Variants in CAPN2 observed in about 807,000 individuals in gnomAD.
The protein encoded by CAPN2 is calpain 2.
A neutral mutation model predicts 102.3 loss-of-function variants in CAPN2; 92 were observed. The ratio of observed to expected loss-of-function variants is 0.90; its 90% CI spans 0.76 to 1.07. The LOEUF (loss-of-function observed/expected upper bound fraction) is 1.07, where lower values mean the gene tolerates loss of function less well. Among genes scored for constraint, CAPN2 ranks in the 50% least tolerant of loss-of-function variants. CAPN2 has a pLI of 0.00. For synonymous variants in CAPN2, 340 were observed against 355.4 expected, an observed-to-expected ratio of 0.96 and a Z score of 0.49; for missense variants, 800 against 909.4, an observed-to-expected ratio of 0.88 and a Z score of 1.55.
upstream of CAPN2, among the ~76,000 whole-genome samples, chr1:223,710,483 T>C (rs1659705020): frequency 6.6e-6 from 1 of 151,976 alleles, no homozygotes; most frequent in Non-Finnish European, 1.5e-5. Context: ...ACCATCTAAA[T>C]GGATGGTTCC....
intron 20 of CAPN2, 116 bp from the exon 21 acceptor site, chr1:223,774,718 G>GC (rs1661569217): frequency 5.9e-6 from 5 of 851,264 alleles, no homozygotes; most frequent in Non-Finnish European, 1.0e-5. Context: ...CACTGATATT[G>GC]TAGCCCTCAA....
chr1:223,737,021 A>T (rs957430237), intron 2 of CAPN2, among the ~76,000 whole-genome samples: 11 of 152,262 alleles, frequency 7.2e-5, no homozygotes, highest in Middle Eastern at 6.8e-3. Flanking sequence ...CCTGGGTGAC[A>T]GAGTGAGAAC....
At chr1:223,722,281 CTTTTTTTTTTT>C (rs34894876) in intron 2 of CAPN2, among the ~76,000 whole-genome samples, 56 of 85,502 alleles carry the variant, frequency 6.5e-4, no homozygotes, top group Admixed American at 2.0e-3. Context: ...TTCTTTCTTT[CTTTTTTTTTTT>C]TTTTTTTTTT....
At chr1:223,770,584 C>T in intron 18 of CAPN2, 59 bp downstream of exon 18, 1 of 1,129,310 alleles carries the variant, frequency 8.9e-7, no homozygotes, top group Non-Finnish European at 1.3e-6. Flanking sequence ...AATATGTGAA[C>T]ACTCATCTTA....
chr1:223,761,441 A>G, intron 12 of CAPN2, 140 bp from the exon 13 acceptor site: 1 of 554,976 alleles, frequency 1.8e-6, no homozygotes. Flanking sequence ...TGGAATACAA[A>G]GACCTCCCCC....
intron 2 of CAPN2, among the ~76,000 whole-genome samples, chr1:223,723,632 G>A (rs755259024): frequency 1.1e-4 from 16 of 152,106 alleles, no homozygotes; most frequent in Admixed American, 2.6e-4. Context: ...TCTTAGAGAC[G>A]AGATGAGACA....
chr1:223,744,647 G>A (rs2102796743), intron 3 of CAPN2, among the ~76,000 whole-genome samples: 1 of 152,166 alleles, frequency 6.6e-6, no homozygotes, highest in East Asian at 1.9e-4. Flanking sequence ...GATCATTTGA[G>A]GTCAGGAGTT....
Position 223,712,766 on chromosome 1 carries a change from C to A in CAPN2, c.126C>A (p.Ala42=). Residue 42 remains alanine, a synonymous_variant, in exon 1 of 21, where the codon GCC becomes GCA. Coordinates refer to ENST00000295006, the MANE Select transcript of CAPN2 (RefSeq NM_001748.5). ...YEALRNECLE[A]GTLFQDPSFP... is the part of the protein sequence containing the mutation. ...CGCTGCGGAACGAGTGCCTGGAGGC[C>A]GGGACGCTCTTCCAGGACCCGTCCT... 1.3e-6 allele frequency: 2 copies of A among 1,580,566 alleles called. No individual in the cohort carries two copies. The highest frequency in any genetic ancestry group is 1.8e-5 in the Admixed American group (1 of 56,294).
At chr1:223,760,035 C>T (rs1661148827) in intron 12 of CAPN2, among the ~76,000 whole-genome samples, 1 of 152,214 alleles carries the variant, frequency 6.6e-6, no homozygotes, top group Non-Finnish European at 1.5e-5. Flanking sequence ...GTCCAGGTGG[C>T]CTCAATTCAC....
At chr1:223,728,421 A>C (rs1423793704) in intron 2 of CAPN2, among the ~76,000 whole-genome samples, 2 of 152,170 alleles carry the variant, frequency 1.3e-5, no homozygotes, top group African/African-American at 4.8e-5. Flanking sequence ...TCATGTCCCA[A>C]GAGAAAGACC....
chr1:223,773,991 C>G (rs945408874), intron 20 of CAPN2, among the ~76,000 whole-genome samples: 1 of 152,128 alleles, frequency 6.6e-6, no homozygotes, highest in African/African-American at 2.4e-5. Flanking sequence ...CATGATCTCC[C>G]CACTACATTC....
In CAPN2 at chr1:223,726,594, C is replaced by A. The variant is rs1305998653; in HGVS notation, c.307+8763C>A. Reference sequence around the variant, plus strand: ...TCCCATCCTCCCTTTTAGGGCCTCCCTTCTGGCAGATAGGGCAGGGAGAAG... The same window carrying A: ...TCCCATCCTCCCTTTTAGGGCCTCCATTCTGGCAGATAGGGCAGGGAGAAG... On this transcript the variant is annotated intron_variant, in intron 2 of 20. Coordinates refer to ENST00000295006, the MANE Select transcript of CAPN2 (RefSeq NM_001748.5). The surrounding 1 kb of genome is among the most constrained non-coding windows in gnomAD (Gnocchi z 4.4). Among the ~76,000 whole-genome samples, 8 of 152,152 alleles carry A rather than the reference C, an allele frequency of 5.3e-5. No individual in the cohort carries two copies. Among genetic ancestry groups the A allele is most frequent in the African/African-American group, 1.7e-4 (7 of 41,446 alleles).
Position 223,726,917 on chromosome 1 carries a change from G to GCTGGC in CAPN2, c.307+9087_307+9091dup, listed in dbSNP as rs527775632. 2.1e-3 allele frequency among the ~76,000 whole-genome samples: 322 copies of GCTGGC among 152,326 alleles called. 1 individual carries two copies. The highest frequency in any genetic ancestry group is 7.5e-3 in the African/African-American group (311 of 41,570). On this transcript the variant is annotated intron_variant, in intron 2 of 20. Transcript: ENST00000295006. This position sits in a 1 kb window ranked among gnomAD's most constrained non-coding sequence, Gnocchi z 4.4. Reference sequence around the variant, plus strand: ...AGCTACCCTCTCGCAGGCCTAGCACGCTGGCGGGGTGTGCATTTCCTCTAG... The same window carrying GCTGGC: ...AGCTACCCTCTCGCAGGCCTAGCACGCTGGCCTGGCGGGGTGTGCATTTCCTCTAG...
At position 223,757,387 on chromosome 1, in the gene CAPN2, C is replaced by G. The variant is rs767032239; in HGVS notation, c.1317+7C>G. On this transcript the variant is annotated splice_region_variant and intron_variant, in intron 11 of 20. Transcript: ENST00000295006. ...TTTGCAGGTTCCAGAGGAGGTACGT[C>G]TGGCCCATGTCCCGGGGTGCTCAGG... is the stretch of plus-strand genomic sequence containing the variant. 3.7e-6 allele frequency: 6 copies of G among 1,614,074 alleles called. No individual in the cohort carries two copies. The African/African-American group carries it at 6.7e-5, about 18-fold the overall frequency.
At chr1:223,771,584 G>A (rs968864722) in intron 18 of CAPN2, 4 of 501,026 alleles carry the variant, frequency 8.0e-6, no homozygotes, top group Non-Finnish European at 1.1e-5. Context: ...ACACTTATGT[G>A]TCAGCAAAGG....
intron 15 of CAPN2, among the ~76,000 whole-genome samples, chr1:223,764,878 G>A (rs930863533): frequency 2.6e-5 from 4 of 152,166 alleles, no homozygotes; most frequent in African/African-American, 4.8e-5. Context: ...GTGAGCCACC[G>A]TGCCCGGCCA....
At chr1:223,705,656 T>C (rs1334042723) in intron 1 of CAPN2, among the ~76,000 whole-genome samples, 1 of 152,184 alleles carries the variant, frequency 6.6e-6, no homozygotes, top group Non-Finnish European at 1.5e-5. Flanking sequence ...CCCAGCACCC[T>C]GTGGTGCTGA....
chr1:223,761,688 C>A, intron 13 of CAPN2, 71 bp downstream of exon 13: 1 of 1,324,030 alleles, frequency 7.6e-7, no homozygotes, highest in Admixed American at 1.9e-5. Context: ...CAAAAAAACT[C>A]CAAGAGTTTT....
At chr1:223,719,437 G>A (rs1296357191) in intron 2 of CAPN2, among the ~76,000 whole-genome samples, 1 of 152,104 alleles carries the variant, frequency 6.6e-6, no homozygotes, top group Non-Finnish European at 1.5e-5. Context: ...TACTCAGAAG[G>A]CTGAGGCAGG....
Sources: allele counts gnomAD v4.1 joint callset (sites outside exome capture counted in the v4.1 genomes callset), GRCh38; gene constraint gnomAD v4.1.1; non-coding constraint Gnocchi (gnomAD v3.1); transcripts MANE v1.5; gene names NCBI Gene and HGNC (gene_info 2026-07-23, HGNC 2026-07-21).